The following FAM135B variants were observed in gnomAD, a reference collection of about 807,000 sequenced individuals.
FAM135B encodes the protein family with sequence similarity 135 member B, also known as protein FAM135B.
FAM135B carries 43 observed loss-of-function variants against 127.7 expected under a neutral mutation model. The observed-to-expected ratio is 0.34, with a 90% CI of 0.26 to 0.43. The LOEUF (loss-of-function observed/expected upper bound fraction) is 0.43. Among genes scored for constraint, FAM135B ranks in the 20% least tolerant of loss-of-function variants. The pLI, the probability that FAM135B is intolerant of heterozygous loss-of-function variation, is 1.00. For missense variants in FAM135B, 1,558 were observed against 1,725.6 expected, an observed-to-expected ratio of 0.90 and a Z score of 1.72; for synonymous variants, 670 against 665.1, an observed-to-expected ratio of 1.01 and a Z score of -0.11.
chr8:138,349,432 A>G (rs1444182766), intron 2 of FAM135B, among the ~76,000 whole-genome samples: 1 of 152,200 alleles, frequency 6.6e-6, no homozygotes, highest in Non-Finnish European at 1.5e-5. Context: ...GTAAAACAGA[A>G]CAGATAGTAT....
intron 9 of FAM135B, among the ~76,000 whole-genome samples, chr8:138,180,579 G>A (rs527251080): frequency 2.3e-3 from 344 of 152,280 alleles, no homozygotes; most frequent in Middle Eastern, 0.014. Context: ...GCTATTCTTA[G>A]ACTGAAGACT....
At chr8:138,488,611 G>A (rs933260203) in intron 1 of FAM135B, among the ~76,000 whole-genome samples, 3 of 152,104 alleles carry the variant, frequency 2.0e-5, no homozygotes, top group African/African-American at 4.8e-5. Context: ...AAGGCCAGAG[G>A]AAGCCAGATA....
At chr8:138,296,122 T>C (rs1301724988) in intron 3 of FAM135B, among the ~76,000 whole-genome samples, 1 of 152,238 alleles carries the variant, frequency 6.6e-6, no homozygotes, top group Non-Finnish European at 1.5e-5. Context: ...GACTGAGACT[T>C]CTTTGAAATC....
chr8:138,149,073 T>G (rs1817899462), intron 13 of FAM135B, among the ~76,000 whole-genome samples: 1 of 151,778 alleles, frequency 6.6e-6, no homozygotes, highest in South Asian at 2.1e-4. Context: ...GGCACATGTA[T>G]ACATATGTAA....
At chr8:138,227,714 C>CT (rs761660500) in intron 7 of FAM135B, among the ~76,000 whole-genome samples, 2,098 of 81,608 alleles carry the variant, frequency 0.026, 21 homozygotes, top group African/African-American at 0.036. Flanking sequence ...TTTTGTCTCT[C>CT]TTTTTTTTTT....
In FAM135B at chr8:138,132,893, G is replaced by T; in HGVS notation, c.4016-95C>A. On this transcript the variant is annotated intron_variant, in intron 19 of 19. Transcript: ENST00000395297. This position sits in a 1 kb window ranked among gnomAD's most constrained non-coding sequence, Gnocchi z 4.5. ...GATGTGTGTCGAAATTCTGTTCCTG[G>T]GCAGACCTGTTATACAGCAGTTTCC... 1 of 1,109,666 alleles carries T rather than the reference G, an allele frequency of 9.0e-7. No individual in the cohort carries two copies. Among genetic ancestry groups the T allele is most frequent in the Non-Finnish European group, 1.4e-6 (1 of 730,618 alleles). The allele number at this position is 1,109,666 out of a possible 1,614,324, so 68.7% of individuals were successfully genotyped here.
intron 7 of FAM135B, among the ~76,000 whole-genome samples, chr8:138,213,469 G>C (rs540124404): frequency 6.6e-6 from 1 of 151,592 alleles, no homozygotes; most frequent in Non-Finnish European, 1.5e-5. Context: ...GGAGAGGATG[G>C]CTAAATTCCG....
chr8:138,198,511 C>T (rs971258548), intron 7 of FAM135B, among the ~76,000 whole-genome samples: 2 of 151,968 alleles, frequency 1.3e-5, no homozygotes, highest in African/African-American at 2.4e-5. Context: ...AGCAGTAGGT[C>T]GTGCTGAAAA....
chr8:138,375,151 T>A (rs1831384938), intron 1 of FAM135B, among the ~76,000 whole-genome samples: 1 of 152,002 alleles, frequency 6.6e-6, no homozygotes, highest in African/African-American at 2.4e-5. Flanking sequence ...AAACTGCACA[T>A]GTAGCTGATA....
chr8:138,486,647 T>A (rs546312616), intron 1 of FAM135B, among the ~76,000 whole-genome samples: 2 of 152,334 alleles, frequency 1.3e-5, no homozygotes, highest in South Asian at 4.1e-4. Context: ...GGGCCATGTG[T>A]GTCCCAGGGC....
intron 2 of FAM135B, among the ~76,000 whole-genome samples, chr8:138,316,702 C>T (rs535398822): frequency 1.3e-5 from 2 of 152,154 alleles, no homozygotes; most frequent in South Asian, 2.1e-4. Context: ...AACATACGGC[C>T]GGGCGTGGTG....
At chr8:138,184,208 T>G (rs1474089045) in intron 9 of FAM135B, among the ~76,000 whole-genome samples, 1 of 152,110 alleles carries the variant, frequency 6.6e-6, no homozygotes, top group African/African-American at 2.4e-5. Flanking sequence ...GATACTGTTT[T>G]TGCCCCCTGA....
intron 1 of FAM135B, among the ~76,000 whole-genome samples, chr8:138,380,764 AAAC>A (rs1687606524): frequency 1.3e-5 from 2 of 152,158 alleles, no homozygotes; most frequent in African/African-American, 2.4e-5. Context: ...AAAAAGTAAC[AAAC>A]AACAAAATCT....
intron 9 of FAM135B, among the ~76,000 whole-genome samples, chr8:138,187,164 G>T (rs12550019): frequency 0.34 from 51,232 of 152,010 alleles, 9,066 homozygotes; most frequent in East Asian, 0.42. Context: ...TTCCTTGTAT[G>T]GTATTGTGAT....
At chr8:138,374,495 T>C (rs1831341199) in intron 1 of FAM135B, among the ~76,000 whole-genome samples, 1 of 152,228 alleles carries the variant, frequency 6.6e-6, no homozygotes, top group African/African-American at 2.4e-5. Flanking sequence ...TGTCTGTTTA[T>C]GAATTTCTAA....
intron 3 of FAM135B, among the ~76,000 whole-genome samples, chr8:138,309,321 G>A (rs1826491207): frequency 6.6e-6 from 1 of 152,176 alleles, no homozygotes; most frequent in Admixed American, 6.5e-5. Flanking sequence ...GATCTACACT[G>A]GACCTAGAAG....
Position 138,478,466 on chromosome 8 carries a change from T to C in FAM135B, c.-20+18205A>G, listed in dbSNP as rs185884102. 3.6e-3 allele frequency among the ~76,000 whole-genome samples: 543 copies of C among 152,336 alleles called. 3 individuals are homozygous for C. The highest frequency in any genetic ancestry group is 0.012 in the South Asian group (59 of 4,824). On this transcript the variant is annotated intron_variant, in intron 1 of 19. Coordinates refer to ENST00000395297, the MANE Select transcript of FAM135B (RefSeq NM_015912.4). ...CCCTGAACTTCCAGAGAGCACCCTA[T>C]GGTTGCTTTTGTCGCAGCAATTAAT...
At chr8:138,252,555 G>C (rs1563822781) in intron 5 of FAM135B, among the ~76,000 whole-genome samples, 1 of 152,138 alleles carries the variant, frequency 6.6e-6, no homozygotes, top group South Asian at 2.1e-4. Flanking sequence ...AGAATGGAGA[G>C]GTGGTAGCTC....
intron 4 of FAM135B, among the ~76,000 whole-genome samples, chr8:138,261,333 T>C (rs1490696872): frequency 6.6e-6 from 1 of 152,146 alleles, no homozygotes; most frequent in African/African-American, 2.4e-5. Context: ...GCTCATAAAA[T>C]GTGTTTCATA....
Sources: allele counts gnomAD v4.1 joint callset (sites outside exome capture counted in the v4.1 genomes callset), GRCh38; gene constraint gnomAD v4.1.1; non-coding constraint Gnocchi (gnomAD v3.1); transcripts MANE v1.5; gene names NCBI Gene and HGNC (gene_info 2026-07-23, HGNC 2026-07-21).